Variants in GAREM1 observed in about 807,000 individuals in gnomAD.
The protein encoded by GAREM1 is GRB2 associated regulator of MAPK1 subtype 1.
GAREM1 carries 26 observed loss-of-function variants against 71.3 expected under a neutral mutation model. The ratio of observed to expected loss-of-function variants is 0.36; its 90% CI spans 0.27 to 0.51. The LOEUF (loss-of-function observed/expected upper bound fraction) is 0.51, where lower values mean the gene tolerates loss of function less well. Ranked by LOEUF, GAREM1 falls within the 20% of genes least tolerant of loss-of-function variation. The pLI, the probability that GAREM1 is intolerant of heterozygous loss-of-function variation, is 0.95. For synonymous variants in GAREM1, 440 were observed against 433.2 expected (o/e 1.02, Z -0.20); for missense variants, 1,026 against 1,103.1 (o/e 0.93, Z 0.99).
chr18:32,350,172 G>GC (rs1369708525), intron 2 of GAREM1, among the ~76,000 whole-genome samples: 1 of 152,118 alleles, frequency 6.6e-6, no homozygotes, highest in Non-Finnish European at 1.5e-5. Flanking sequence ...GTTGAAAACT[G>GC]CCCCCCTTTT....
At chr18:32,446,002 T>C (rs986686394) in intron 1 of GAREM1, among the ~76,000 whole-genome samples, 12 of 152,188 alleles carry the variant, frequency 7.9e-5, no homozygotes, top group African/African-American at 2.9e-4. Flanking sequence ...CTCTTAATTT[T>C]ACATGATGCT....
intron 1 of GAREM1, among the ~76,000 whole-genome samples, chr18:32,441,053 T>C (rs959259208): frequency 1.3e-5 from 2 of 152,152 alleles, no homozygotes; most frequent in Non-Finnish European, 2.9e-5. Flanking sequence ...AAGTGATGCT[T>C]AAGATTTAAT....
intron 2 of GAREM1, among the ~76,000 whole-genome samples, chr18:32,369,162 C>A (rs1202203912): frequency 6.6e-6 from 1 of 152,192 alleles, no homozygotes; most frequent in African/African-American, 2.4e-5. Flanking sequence ...AAAGGCAAAG[C>A]TAATTCCAAG....
At chr18:32,352,711 AACACCTGTGATC>A (rs2047763950) in intron 2 of GAREM1, among the ~76,000 whole-genome samples, 1 of 152,132 alleles carries the variant, frequency 6.6e-6, no homozygotes, top group Non-Finnish European at 1.5e-5. Context: ...CACAGCTGGG[AACACCTGTGATC>A]ACACCTGTGA....
At chr18:32,429,979 T>C (rs943147932) in intron 1 of GAREM1, among the ~76,000 whole-genome samples, 29 of 152,330 alleles carry the variant, frequency 1.9e-4, no homozygotes, top group Non-Finnish European at 4.0e-4. Context: ...CATGGACAAC[T>C]GAGTAACATG....
intron 3 of GAREM1, among the ~76,000 whole-genome samples, chr18:32,304,821 T>G (rs965095616): frequency 4.6e-5 from 7 of 152,326 alleles, no homozygotes; most frequent in African/African-American, 1.7e-4. Context: ...TGAGCCACTC[T>G]ACAGTCCAAC....
At chr18:32,419,142 G>A in intron 1 of GAREM1, among the ~76,000 whole-genome samples, 1 of 152,106 alleles carries the variant, frequency 6.6e-6, no homozygotes, top group Non-Finnish European at 1.5e-5. Context: ...CTTGCCCAGT[G>A]GCCCCATCCC....
At chr18:32,366,583 GGTA>G (rs1567981993) in intron 2 of GAREM1, among the ~76,000 whole-genome samples, 2 of 152,048 alleles carry the variant, frequency 1.3e-5, no homozygotes, top group East Asian at 3.9e-4. Flanking sequence ...TAAAATGGCC[GGTA>G]GACTAGAAAA....
chr18:32,438,777 T>C lies in GAREM1; in HGVS notation c.121+31531A>G, dbSNP rs1015875276. Among the ~76,000 whole-genome samples the C allele has an allele frequency of 2.6e-5, 4 of 152,196 alleles. 1 individual carries two copies. In the South Asian group the frequency reaches 6.2e-4, roughly 24 times the overall value. ...ACCTTCCGAGATTGCTTTCAAGATA[T>C]AGGACTGCTAAGAAACATTTAAGGG... On this transcript the variant is annotated intron_variant, in intron 1 of 5. Transcript: ENST00000269209.
chr18:32,399,573 T>C (rs926412564), intron 1 of GAREM1, among the ~76,000 whole-genome samples: 1 of 152,090 alleles, frequency 6.6e-6, no homozygotes, highest in Non-Finnish European at 1.5e-5. Flanking sequence ...CCATTCACAA[T>C]TGCTTCAAAG....
At chr18:32,307,470 C>A (rs139860734) in intron 3 of GAREM1, among the ~76,000 whole-genome samples, 3 of 152,138 alleles carry the variant, frequency 2.0e-5, no homozygotes, top group Admixed American at 2.0e-4. Flanking sequence ...AATCCCATTT[C>A]TTTAACTCCT....
intron 1 of GAREM1, among the ~76,000 whole-genome samples, chr18:32,455,897 A>G (rs1027435262): frequency 5.9e-5 from 9 of 152,202 alleles, no homozygotes; most frequent in Admixed American, 4.6e-4. Flanking sequence ...AAAGAGCAAA[A>G]TAAGTTTGGC....
intron 2 of GAREM1, among the ~76,000 whole-genome samples, chr18:32,312,685 A>T (rs2047336226): frequency 6.6e-6 from 1 of 152,190 alleles, no homozygotes; most frequent in Non-Finnish European, 1.5e-5. Flanking sequence ...CCTTAGTATG[A>T]TGGGAGAAGA....
At chr18:32,421,211 A>G (rs1426979917) in intron 1 of GAREM1, among the ~76,000 whole-genome samples, 1 of 152,198 alleles carries the variant, frequency 6.6e-6, no homozygotes, top group Non-Finnish European at 1.5e-5. Flanking sequence ...TCTACTTTGT[A>G]AGGTTGTAGG....
chr18:32,454,906 A>G (rs2048873274), intron 1 of GAREM1, among the ~76,000 whole-genome samples: 1 of 152,198 alleles, frequency 6.6e-6, no homozygotes, highest in African/African-American at 2.4e-5. Context: ...TTGGAACATC[A>G]CACCAGATCA....
intron 2 of GAREM1, among the ~76,000 whole-genome samples, chr18:32,366,226 T>G (rs972074333): frequency 2.6e-5 from 4 of 152,174 alleles, no homozygotes; most frequent in Non-Finnish European, 5.9e-5. Flanking sequence ...GGAACCCCTT[T>G]CTAAACAGTC....
At chr18:32,299,102 T>C (rs551580235) in intron 3 of GAREM1, among the ~76,000 whole-genome samples, 10 of 152,202 alleles carry the variant, frequency 6.6e-5, no homozygotes, top group African/African-American at 1.9e-4. Flanking sequence ...CTTCAAAACA[T>C]TGAAATAATT....
intron 1 of GAREM1, among the ~76,000 whole-genome samples, chr18:32,448,562 A>G (rs2048804769): frequency 6.6e-6 from 1 of 152,136 alleles, no homozygotes; most frequent in Non-Finnish European, 1.5e-5. Context: ...ACAGGTAAAT[A>G]CCAGAAGCAG....
intron 2 of GAREM1, among the ~76,000 whole-genome samples, chr18:32,369,815 C>A (rs2047959493): frequency 6.6e-6 from 1 of 152,196 alleles, no homozygotes; most frequent in South Asian, 2.1e-4. Flanking sequence ...CATTTTCCCT[C>A]TGGATATGGA....
Sources: allele counts gnomAD v4.1 joint callset (sites outside exome capture counted in the v4.1 genomes callset), GRCh38; gene constraint gnomAD v4.1.1; transcripts MANE v1.5; gene names NCBI Gene and HGNC (gene_info 2026-07-23, HGNC 2026-07-21).